The following PTPRG variants were observed in gnomAD, a reference collection of about 807,000 sequenced individuals.
The protein encoded by PTPRG is receptor-type tyrosine-protein phosphatase gamma.
A neutral mutation model predicts 165.3 loss-of-function variants in PTPRG; 102 were observed. The ratio of observed to expected loss-of-function variants is 0.62; its 90% CI spans 0.53 to 0.73. The LOEUF (loss-of-function observed/expected upper bound fraction) is 0.73, where lower values mean the gene tolerates loss of function less well. Among genes scored for constraint, PTPRG ranks in the 30% least tolerant of loss-of-function variants. The pLI is 0.00. For synonymous variants in PTPRG, 675 were observed against 669.5 expected (o/e 1.01, Z -0.13); for missense variants, 1,866 against 1,861.4 (o/e 1.00, Z -0.05).
chr3:62,273,672 T>G lies in PTPRG; in HGVS notation c.3319-26T>G, dbSNP rs781439010. On this transcript the variant is annotated intron_variant, in intron 22 of 29. Coordinates refer to ENST00000474889, the MANE Select transcript of PTPRG (RefSeq NM_002841.4). The surrounding 1 kb of genome is among the most constrained non-coding windows in gnomAD (Gnocchi z 4.1). Reference sequence around the variant, plus strand: ...TGGCTAACCCTTAACACTCCCTCAGTGACTACCATGTATTGTACCTCTTAG... The same window carrying G: ...TGGCTAACCCTTAACACTCCCTCAGGGACTACCATGTATTGTACCTCTTAG... The G allele has an allele frequency of 6.2e-7, 1 of 1,610,836 alleles. No homozygotes were observed. The highest frequency in any genetic ancestry group is 8.5e-7 in the Non-Finnish European group (1 of 1,177,346).
intron 6 of PTPRG, among the ~76,000 whole-genome samples, chr3:62,134,930 G>A (rs557567938): frequency 2.6e-5 from 4 of 152,288 alleles, no homozygotes; most frequent in South Asian, 4.2e-4. Flanking sequence ...GGAGTATGTC[G>A]TTCTTCCAAA....
chr3:61,917,575 T>C (rs763394136), intron 2 of PTPRG, among the ~76,000 whole-genome samples: 8 of 152,178 alleles, frequency 5.3e-5, no homozygotes, highest in Middle Eastern at 3.2e-3. Context: ...AAACATGTCT[T>C]AAAATCTTGG....
intron 2 of PTPRG, among the ~76,000 whole-genome samples, chr3:61,933,740 T>C (rs1360958917): frequency 6.6e-6 from 1 of 152,232 alleles, no homozygotes; most frequent in East Asian, 1.9e-4. Context: ...GAGTGTTTTT[T>C]AGATACTGTA....
intron 2 of PTPRG, among the ~76,000 whole-genome samples, chr3:61,879,550 G>C (rs1041740348): frequency 7.2e-5 from 11 of 151,974 alleles, no homozygotes; most frequent in African/African-American, 2.7e-4. Context: ...ATTTTATTCA[G>C]TCATATGTTA....
chr3:62,207,006 GAGA>G (rs1656754185), intron 12 of PTPRG, among the ~76,000 whole-genome samples: 1 of 150,714 alleles, frequency 6.6e-6, no homozygotes, highest in Non-Finnish European at 1.5e-5. Context: ...TCAGCAAAGT[GAGA>G]AGGTCCACTT....
intron 2 of PTPRG, among the ~76,000 whole-genome samples, chr3:61,840,493 A>C (rs961575609): frequency 6.6e-6 from 1 of 152,150 alleles, no homozygotes; most frequent in African/African-American, 2.4e-5. Context: ...AGCACTTTGT[A>C]AGTGTGTAAT....
chr3:61,801,609 A>G (rs547345892), intron 2 of PTPRG, among the ~76,000 whole-genome samples: 17 of 152,218 alleles, frequency 1.1e-4, no homozygotes, highest in Non-Finnish European at 2.5e-4. Flanking sequence ...GGAAAAGAAT[A>G]ACGTCTGTGT....
At chr3:61,788,122 T>G (rs2034764925) in intron 2 of PTPRG, among the ~76,000 whole-genome samples, 1 of 152,182 alleles carries the variant, frequency 6.6e-6, no homozygotes, top group Non-Finnish European at 1.5e-5. Context: ...TTTCCCAGTT[T>G]AAAAGTGATT....
rs189643057 is a variant in PTPRG, at chr3:61,696,333, C to G, written c.86-52545C>G. Reference sequence around the variant, plus strand: ...TCTGACCAACATGGGGAAACCCTGTCTCTACTAAAAATACAAAAATTAGCC... The same window carrying G: ...TCTGACCAACATGGGGAAACCCTGTGTCTACTAAAAATACAAAAATTAGCC... On this transcript the variant is annotated intron_variant, in intron 1 of 29. Coordinates refer to ENST00000474889, the MANE Select transcript of PTPRG (RefSeq NM_002841.4). Among the ~76,000 whole-genome samples, 382 of 152,262 alleles carry G rather than the reference C, an allele frequency of 2.5e-3. 1 individual carries two copies. The highest frequency in any genetic ancestry group is 4.1e-3 in the Admixed American group (62 of 15,294).
chr3:61,671,920 G>A (rs1342175308), intron 1 of PTPRG, among the ~76,000 whole-genome samples: 5 of 141,952 alleles, frequency 3.5e-5, no homozygotes, highest in South Asian at 2.3e-4. Context: ...CCTCCCTCCC[G>A]GACGAGGTGG....
At chr3:62,072,447 C>G (rs1261905966) in intron 4 of PTPRG, among the ~76,000 whole-genome samples, 1 of 152,160 alleles carries the variant, frequency 6.6e-6, no homozygotes, top group Non-Finnish European at 1.5e-5. Context: ...TCAAGACATT[C>G]CACAAGGCAG....
chr3:61,695,042 C>T (rs1300206487), intron 1 of PTPRG, among the ~76,000 whole-genome samples: 1 of 151,160 alleles, frequency 6.6e-6, no homozygotes, highest in Non-Finnish European at 1.5e-5. Flanking sequence ...CAGAGTTTTG[C>T]TCTTGTCATC....
At position 61,790,170 on chromosome 3, in the gene PTPRG, C is replaced by T. The variant is rs77026216; in HGVS notation, c.190+41188C>T. Among the ~76,000 whole-genome samples the T allele has an allele frequency of 5.3e-4, 81 of 152,254 alleles. No individual in the cohort carries two copies. The East Asian group carries it at 0.015, about 28-fold the overall frequency. ...AGTACAGAGGGTGGTTGCCCTCTCT[C>T]CATTTCACACTTGTACTGGAGGAAC... On this transcript the variant is annotated intron_variant, in intron 2 of 29. Transcript: ENST00000474889.
intron 2 of PTPRG, among the ~76,000 whole-genome samples, chr3:61,866,582 CTTTTTTTTTTTTTTTTTTTTTT>C (rs532356516): frequency 0.22 from 14,991 of 69,248 alleles, 1,702 homozygotes; most frequent in African/African-American, 0.38. Flanking sequence ...ACTGTTTGCT[CTTTTTTTTTTTTTTTTTTTTTT>C]TTTTTTTTTT....
chr3:61,886,197 G>A (rs7653059), intron 2 of PTPRG, among the ~76,000 whole-genome samples: 44,748 of 151,958 alleles, frequency 0.29, 8,611 homozygotes, highest in East Asian at 0.53. Flanking sequence ...CAGAAGAACT[G>A]TCTTCCTTCT....
intron 2 of PTPRG, among the ~76,000 whole-genome samples, chr3:61,762,251 T>A (rs1402987268): frequency 1.3e-5 from 2 of 152,168 alleles, no homozygotes; most frequent in Non-Finnish European, 2.9e-5. Flanking sequence ...TCTCTCACCA[T>A]CTACTAGGGT....
chr3:61,868,313 A>G (rs1392475102), intron 2 of PTPRG, among the ~76,000 whole-genome samples: 2 of 152,180 alleles, frequency 1.3e-5, no homozygotes, highest in Non-Finnish European at 2.9e-5. Flanking sequence ...CAATCTTCTC[A>G]CAATTTCTTG....
chr3:62,119,883 C>G (rs1463590919), intron 5 of PTPRG, among the ~76,000 whole-genome samples: 1 of 150,698 alleles, frequency 6.6e-6, no homozygotes, highest in Non-Finnish European at 1.5e-5. Context: ...ATCTGCCCAC[C>G]TTGGGCTCCC....
chr3:62,270,227 T>C (rs1702016824), intron 20 of PTPRG, among the ~76,000 whole-genome samples: 1 of 151,946 alleles, frequency 6.6e-6, no homozygotes, highest in African/African-American at 2.4e-5. Context: ...TTTTGGAAAA[T>C]GTGATAAAAC....
Sources: allele counts gnomAD v4.1 joint callset (sites outside exome capture counted in the v4.1 genomes callset), GRCh38; gene constraint gnomAD v4.1.1; non-coding constraint Gnocchi (gnomAD v3.1); transcripts MANE v1.5; gene names NCBI Gene and HGNC (gene_info 2026-07-23, HGNC 2026-07-21).